TNFSF4: variants seen among roughly 807,000 people sequenced by gnomAD.
TNFSF4 encodes tumor necrosis factor ligand superfamily member 4.
A neutral mutation model predicts 7.3 loss-of-function variants in TNFSF4; 4 were observed. The observed-to-expected ratio is 0.55, with a 90% CI of 0.27 to 1.25. TNFSF4 has a LOEUF of 1.25. Among genes scored for constraint, TNFSF4 ranks in the 50% most tolerant of loss-of-function variants. The pLI, the probability that TNFSF4 is intolerant of heterozygous loss-of-function variation, is 0.12. For synonymous variants in TNFSF4, 76 were observed against 83.7 expected (o/e 0.91, Z 0.50); for missense variants, 181 against 208.8 (o/e 0.87, Z 0.82).
chr1:173,187,154 T>C (rs1007425943), intron 2 of TNFSF4, among the ~76,000 whole-genome samples: 3 of 152,130 alleles, frequency 2.0e-5, no homozygotes, highest in East Asian at 1.9e-4. Context: ...GAGGCAATGT[T>C]AACACTAATG....
chr1:173,340,796 G>A, the TNFSF4 span, among the ~76,000 whole-genome samples: 2 of 151,892 alleles, frequency 1.3e-5, no homozygotes, highest in Admixed American at 6.6e-5. Flanking sequence ...TTCCTTCTTT[G>A]TCCATTATCC....
the TNFSF4 span, among the ~76,000 whole-genome samples, chr1:173,333,441 T>A: frequency 1.3e-5 from 2 of 152,124 alleles, no homozygotes; most frequent in Non-Finnish European, 2.9e-5. Context: ...GACTGAATGT[T>A]GGTATCCCCC....
the TNFSF4 span, among the ~76,000 whole-genome samples, chr1:173,422,067 T>C: frequency 6.6e-6 from 1 of 151,844 alleles, no homozygotes; most frequent in African/African-American, 2.4e-5. Context: ...TCCCCCACAA[T>C]GTCAAGGTTA....
the TNFSF4 span, among the ~76,000 whole-genome samples, chr1:173,375,616 T>C: frequency 3.3e-5 from 5 of 150,436 alleles, no homozygotes; most frequent in African/African-American, 1.0e-4. Flanking sequence ...CACCAATCAG[T>C]GCTCTGTAAA....
chr1:173,386,112 G>A, the TNFSF4 span, among the ~76,000 whole-genome samples: 6 of 152,256 alleles, frequency 3.9e-5, no homozygotes, highest in South Asian at 2.1e-4. Flanking sequence ...CATGGGCCTC[G>A]AGGACCGTGA....
the TNFSF4 span, among the ~76,000 whole-genome samples, chr1:173,347,793 T>A: frequency 6.6e-6 from 1 of 152,158 alleles, no homozygotes. Flanking sequence ...ACATTGACAT[T>A]TGGGGCCACA....
chr1:173,248,491 G>GGAAAGAAAGAAA, the TNFSF4 span, among the ~76,000 whole-genome samples: 3,855 of 136,132 alleles, frequency 0.028, 60 homozygotes, highest in South Asian at 0.076. Flanking sequence ...AAGGAAGGAA[G>GGAAAGAAAGAAA]GAAAGAAAGA....
At chr1:173,194,361 C>T (rs982670860) in intron 1 of TNFSF4, among the ~76,000 whole-genome samples, 2 of 152,160 alleles carry the variant, frequency 1.3e-5, no homozygotes, top group African/African-American at 4.8e-5. Context: ...AACTTCTATG[C>T]CAGTTGGGAA....
At chr1:173,327,257 G>C in the TNFSF4 span, among the ~76,000 whole-genome samples, 2 of 152,176 alleles carry the variant, frequency 1.3e-5, no homozygotes, top group Non-Finnish European at 2.9e-5. Context: ...ACAAAAACAA[G>C]CAATGGGGAA....
the TNFSF4 span, among the ~76,000 whole-genome samples, chr1:173,359,533 A>AC: frequency 9.5e-6 from 1 of 105,598 alleles, no homozygotes; most frequent in Non-Finnish European, 2.0e-5. Flanking sequence ...AAAAAAAAAA[A>AC]AAAAAAAACT....
chr1:173,281,381 G>A, the TNFSF4 span, among the ~76,000 whole-genome samples: 3 of 151,988 alleles, frequency 2.0e-5, no homozygotes, highest in Non-Finnish European at 2.9e-5. Context: ...AGTTCCTTAG[G>A]CAAGTTGTTC....
At chr1:173,235,975 C>G in the TNFSF4 span, among the ~76,000 whole-genome samples, 2 of 151,894 alleles carry the variant, frequency 1.3e-5, no homozygotes, top group Admixed American at 6.6e-5. Flanking sequence ...TTAATTGTGG[C>G]AAAATATAAT....
the TNFSF4 span, among the ~76,000 whole-genome samples, chr1:173,372,441 T>C: frequency 6.6e-6 from 1 of 152,186 alleles, no homozygotes; most frequent in Non-Finnish European, 1.5e-5. Context: ...ACAAAACTTA[T>C]ATTTATACAT....
the TNFSF4 span, chr1:173,175,464 C>A: frequency 2.0e-5 from 3 of 152,288 alleles, no homozygotes; most frequent in Admixed American, 1.3e-4. Flanking sequence ...AATCTACATT[C>A]TTGAAAGGCT....
the TNFSF4 span, among the ~76,000 whole-genome samples, chr1:173,250,764 A>C: frequency 1.1e-4 from 17 of 152,048 alleles, no homozygotes; most frequent in African/African-American, 4.1e-4. Flanking sequence ...CGGCCTCTCC[A>C]GTTTCTTAAC....
chr1:173,344,542 T>A, the TNFSF4 span, among the ~76,000 whole-genome samples: 1 of 152,322 alleles, frequency 6.6e-6, no homozygotes. Context: ...TCATTTGGCT[T>A]CCTTCTCCCT....
At chr1:173,178,871 T>C (rs577617453), downstream of TNFSF4, among the ~76,000 whole-genome samples, 1 of 152,198 alleles carries the variant, frequency 6.6e-6, no homozygotes, top group African/African-American at 2.4e-5. Flanking sequence ...TGTAACCATT[T>C]TTTATAAGAG....
the TNFSF4 span, among the ~76,000 whole-genome samples, chr1:173,326,628 A>G: frequency 2.0e-5 from 3 of 152,304 alleles, no homozygotes; most frequent in South Asian, 6.2e-4. Flanking sequence ...CCATTGTCTC[A>G]GCCCAAAATC....
the TNFSF4 span, among the ~76,000 whole-genome samples, chr1:173,435,710 A>C: frequency 6.6e-6 from 1 of 152,258 alleles, no homozygotes; most frequent in Non-Finnish European, 1.5e-5. Flanking sequence ...TCTTATTAAC[A>C]GCTATATTCA....
Sources: allele counts gnomAD v4.1 joint callset (sites outside exome capture counted in the v4.1 genomes callset), GRCh38; gene constraint gnomAD v4.1.1; transcripts MANE v1.5; gene names NCBI Gene and HGNC (gene_info 2026-07-23, HGNC 2026-07-21).